The following ARL6IP6 variants were observed in gnomAD, a reference collection of about 807,000 sequenced individuals.
ARL6IP6 encodes ARF like GTPase 6 interacting protein 6, also known as ADP-ribosylation factor-like protein 6-interacting protein 6.
A neutral mutation model predicts 21.5 loss-of-function variants in ARL6IP6; 22 were observed. That is an observed-to-expected ratio of 1.02 (90% CI 0.73 to 1.46). The LOEUF (loss-of-function observed/expected upper bound fraction) is 1.46, where lower values mean the gene tolerates loss of function less well. ARL6IP6 is among the 40% of genes most tolerant of loss of function. ARL6IP6 has a pLI of 0.00. For synonymous variants in ARL6IP6, 164 were observed against 125.3 expected (o/e 1.31, Z -2.06); for missense variants, 388 against 299.8 (o/e 1.29, Z -2.17).
chr2:152,745,196 T>A (rs1474836606), intron 3 of ARL6IP6, among the ~76,000 whole-genome samples: 1 of 152,180 alleles, frequency 6.6e-6, no homozygotes, highest in Non-Finnish European at 1.5e-5. Flanking sequence ...AATATTGTTA[T>A]TAGGGTTTTT....
At chr2:152,739,859 C>T (rs1033220932) in intron 3 of ARL6IP6, among the ~76,000 whole-genome samples, 1 of 152,180 alleles carries the variant, frequency 6.6e-6, no homozygotes, top group Non-Finnish European at 1.5e-5. Flanking sequence ...GGAGCAAAGG[C>T]ACATCTTACA....
intron 3 of ARL6IP6, 37 bp from the exon 4 acceptor site, chr2:152,759,710 T>G: frequency 6.5e-7 from 1 of 1,542,766 alleles, no homozygotes; most frequent in Non-Finnish European, 8.9e-7. Context: ...CCACGTTACA[T>G]TTTTCTTTTT....
intron 2 of ARL6IP6, among the ~76,000 whole-genome samples, chr2:152,727,221 G>A (rs1388466582): frequency 6.6e-6 from 1 of 152,144 alleles, no homozygotes; most frequent in East Asian, 1.9e-4. Context: ...ATGTGTGTGT[G>A]TCTTAGATTT....
At chr2:152,717,694 T>C, upstream of ARL6IP6, 5 of 1,388,468 alleles carry the variant, frequency 3.6e-6, no homozygotes, top group Non-Finnish European at 3.7e-6. Flanking sequence ...GGGAAAACTC[T>C]ACCAACTTCC....
chr2:152,743,350 T>C (rs1196184342), intron 3 of ARL6IP6, among the ~76,000 whole-genome samples: 2 of 152,220 alleles, frequency 1.3e-5, no homozygotes, highest in African/African-American at 4.8e-5. Flanking sequence ...ATGGGTCGTA[T>C]TGCTGACATG....
intron 3 of ARL6IP6, among the ~76,000 whole-genome samples, chr2:152,746,536 T>G (rs1397996941): frequency 6.6e-6 from 1 of 152,190 alleles, no homozygotes; most frequent in Non-Finnish European, 1.5e-5. Context: ...GAGAGGTAGC[T>G]TCCAAATCCA....
intron 2 of ARL6IP6, among the ~76,000 whole-genome samples, chr2:152,723,943 A>G (rs1480494834): frequency 2.6e-5 from 4 of 151,896 alleles, no homozygotes; most frequent in African/African-American, 9.7e-5. Flanking sequence ...TGTGGACTTT[A>G]TAATTTGAAC....
chr2:152,753,135 T>C (rs1209877144), intron 3 of ARL6IP6, among the ~76,000 whole-genome samples: 6 of 151,570 alleles, frequency 4.0e-5, no homozygotes, highest in African/African-American at 1.5e-4. Flanking sequence ...TGAGACCCTG[T>C]CTCAAAAAAA....
chr2:152,747,018 T>G (rs562237185), intron 3 of ARL6IP6, among the ~76,000 whole-genome samples: 1 of 151,856 alleles, frequency 6.6e-6, no homozygotes, highest in Non-Finnish European at 1.5e-5. Flanking sequence ...TTTGTAGAGA[T>G]AGGGTCTCAC....
chr2:152,718,119 G>T, upstream of ARL6IP6: 1 of 964,376 alleles, frequency 1.0e-6, no homozygotes, highest in Non-Finnish European at 1.2e-6. Context: ...GAGAGCGCCA[G>T]GTAGAGAGGT....
At chr2:152,732,211 A>G (rs1310551944) in intron 2 of ARL6IP6, among the ~76,000 whole-genome samples, 2 of 152,172 alleles carry the variant, frequency 1.3e-5, no homozygotes, top group South Asian at 2.1e-4. Context: ...ATATAAAGTT[A>G]CTGGAGTAAA....
intron 3 of ARL6IP6, among the ~76,000 whole-genome samples, chr2:152,750,732 T>A (rs1701290166): frequency 6.6e-6 from 1 of 152,234 alleles, no homozygotes; most frequent in Admixed American, 6.5e-5. Context: ...TTAACCTTGT[T>A]AATAATATTG....
intron 1 of ARL6IP6, chr2:152,720,263 C>T: frequency 2.1e-6 from 1 of 471,456 alleles, no homozygotes; most frequent in South Asian, 2.4e-5. Context: ...CTGAACTCCA[C>T]CTAGTATGCC....
At chr2:152,739,414 G>T (rs538746743) in intron 3 of ARL6IP6, among the ~76,000 whole-genome samples, 8 of 152,222 alleles carry the variant, frequency 5.3e-5, no homozygotes, top group Non-Finnish European at 1.0e-4. Flanking sequence ...AGCAGGGGCA[G>T]AATGCTCCCA....
chr2:152,746,176 T>C (rs1292378756), intron 3 of ARL6IP6, among the ~76,000 whole-genome samples: 1 of 151,864 alleles, frequency 6.6e-6, no homozygotes, highest in African/African-American at 2.4e-5. Context: ...CGCCACCACA[T>C]CTGGCTAATC....
At chr2:152,737,007 T>TA (rs1700584580) in intron 3 of ARL6IP6, among the ~76,000 whole-genome samples, 3 of 152,158 alleles carry the variant, frequency 2.0e-5, no homozygotes, top group Admixed American at 2.0e-4. Context: ...CAAAAAGAGA[T>TA]ACAGTCACAG....
At chr2:152,755,025 T>C (rs1225809935) in intron 3 of ARL6IP6, among the ~76,000 whole-genome samples, 1 of 152,094 alleles carries the variant, frequency 6.6e-6, no homozygotes, top group Non-Finnish European at 1.5e-5. Flanking sequence ...TTTGTAGCAA[T>C]TACTCTTTAT....
At chr2:152,737,605 G>A (rs1451914585) in intron 3 of ARL6IP6, among the ~76,000 whole-genome samples, 2 of 152,132 alleles carry the variant, frequency 1.3e-5, no homozygotes, top group African/African-American at 4.8e-5. Flanking sequence ...GGCCAAGGAG[G>A]AACAAAGGCA....
chr2:152,751,104 C>T (rs1008654254), intron 3 of ARL6IP6, among the ~76,000 whole-genome samples: 2 of 152,052 alleles, frequency 1.3e-5, no homozygotes, highest in Non-Finnish European at 2.9e-5. Context: ...CTACTACCCA[C>T]TTTTGAAGTT....
Sources: allele counts gnomAD v4.1 joint callset (sites outside exome capture counted in the v4.1 genomes callset), GRCh38; gene constraint gnomAD v4.1.1; transcripts MANE v1.5; gene names NCBI Gene and HGNC (gene_info 2026-07-23, HGNC 2026-07-21).